The following FANK1 variants were observed in gnomAD, a reference collection of about 807,000 sequenced individuals.
FANK1 encodes fibronectin type III and ankyrin repeat domains 1, also known as fibronectin type 3 and ankyrin repeat domains protein 1.
In FANK1, 44 loss-of-function variants were observed where a neutral mutation model predicts 45.3. The ratio of observed to expected loss-of-function variants is 0.97; its 90% confidence interval spans 0.76 to 1.25. The LOEUF (loss-of-function observed/expected upper bound fraction) is 1.25, where lower values mean the gene tolerates loss of function less well. Ranked by LOEUF, FANK1 falls within the 50% of genes most tolerant of loss-of-function variation. The probability of loss-of-function intolerance (pLI) is 0.00; values close to 1 mark genes in which losing one functional copy is unlikely to be tolerated. For missense variants in FANK1, 391 were observed against 424.4 expected, an observed-to-expected ratio of 0.92 and a Z score of 0.69; for synonymous variants, 149 against 152.5, an observed-to-expected ratio of 0.98 and a Z score of 0.17.
intron 6 of FANK1, among the ~76,000 whole-genome samples, chr10:126,001,784 C>T (rs1156972445): frequency 2.0e-5 from 3 of 151,960 alleles, no homozygotes; most frequent in Non-Finnish European, 2.9e-5. Context: ...GAAGGAAGAG[C>T]GCCTGGTCTC....
chr10:125,996,464 C>A, intron 4 of FANK1, 86 bp from the exon 5 acceptor site: 2 of 1,179,622 alleles, frequency 1.7e-6, no homozygotes, highest in South Asian at 2.9e-5. Flanking sequence ...GTCATTTTAC[C>A]CACCTAAGCC....
intron 1 of FANK1, among the ~76,000 whole-genome samples, chr10:125,954,544 C>CT (rs1949453158): frequency 6.6e-6 from 1 of 151,978 alleles, no homozygotes; most frequent in East Asian, 1.9e-4. Flanking sequence ...TGAAGACCTA[C>CT]TTGAAATCTC....
intron 1 of FANK1, among the ~76,000 whole-genome samples, chr10:125,905,171 C>A (rs1439158636): frequency 1.3e-5 from 2 of 152,124 alleles, no homozygotes; most frequent in Admixed American, 6.5e-5. Context: ...GTTTCTGTAG[C>A]CTGTAGTCCC....
intron 1 of FANK1, among the ~76,000 whole-genome samples, chr10:125,918,041 C>T (rs1245653335): frequency 2.0e-5 from 3 of 151,244 alleles, no homozygotes; most frequent in African/African-American, 7.3e-5. Context: ...GATCATGCCA[C>T]TGTACTCCAA....
chr10:125,952,943 G>A (rs1288257011), intron 1 of FANK1, among the ~76,000 whole-genome samples: 1 of 151,868 alleles, frequency 6.6e-6, no homozygotes, highest in African/African-American at 2.4e-5. Context: ...ATCCCCATAG[G>A]GAGAAAGCTC....
intron 1 of FANK1, among the ~76,000 whole-genome samples, chr10:125,915,972 T>C (rs1224845374): frequency 6.6e-6 from 1 of 152,222 alleles, no homozygotes; most frequent in Non-Finnish European, 1.5e-5. Context: ...GCAGTTTGTC[T>C]GTTTCTTCAG....
intron 2 of FANK1, among the ~76,000 whole-genome samples, chr10:125,986,792 C>T (rs1026615564): frequency 3.9e-5 from 6 of 152,194 alleles, no homozygotes; most frequent in African/African-American, 1.4e-4. Flanking sequence ...CTGCCCCATG[C>T]CTGTTCCTCA....
intron 6 of FANK1, chr10:126,004,669 G>A: frequency 1.9e-6 from 1 of 517,430 alleles, no homozygotes; most frequent in Non-Finnish European, 3.5e-6. Context: ...CGAGGTTCAT[G>A]CATGTTTGTA....
intron 1 of FANK1, among the ~76,000 whole-genome samples, chr10:125,959,723 T>C (rs1949801692): frequency 6.6e-6 from 1 of 152,202 alleles, no homozygotes; most frequent in Admixed American, 6.5e-5. Context: ...TGTAAATTCA[T>C]GAGCAGAACA....
chr10:126,001,485 G>A lies in FANK1; in HGVS notation c.540-3399G>A, dbSNP rs532050667. On this transcript the variant is annotated intron_variant, in intron 6 of 10. Transcript: ENST00000368693. ...GCAGGGGACTCAGCAGCAGGCAAGCGGAGCGGGTCCTCCATTTCTGGTGGG... is the reference window on the plus strand; with the variant it reads ...GCAGGGGACTCAGCAGCAGGCAAGCAGAGCGGGTCCTCCATTTCTGGTGGG... 2.6e-5 allele frequency among the ~76,000 whole-genome samples: 4 copies of A among 152,308 alleles called. No individual in the cohort carries two copies. In the East Asian group the frequency reaches 7.7e-4, roughly 29 times the overall value.
At chr10:125,956,980 G>A (rs950070838) in intron 1 of FANK1, among the ~76,000 whole-genome samples, 7 of 152,060 alleles carry the variant, frequency 4.6e-5, no homozygotes, top group African/African-American at 1.4e-4. Context: ...TCAGCCTCCC[G>A]AATAGCTAGC....
At chr10:125,956,740 T>G (rs1949601973) in intron 1 of FANK1, among the ~76,000 whole-genome samples, 1 of 152,170 alleles carries the variant, frequency 6.6e-6, no homozygotes, top group African/African-American at 2.4e-5. Flanking sequence ...AGGGACTCGC[T>G]CAGGCCATTT....
intron 1 of FANK1, among the ~76,000 whole-genome samples, chr10:125,962,332 C>T (rs1383110729): frequency 6.6e-6 from 1 of 152,106 alleles, no homozygotes; most frequent in African/African-American, 2.4e-5. Context: ...TAAGTTTATT[C>T]TGCTTGGGGT....
At chr10:125,944,854 A>T (rs1220814229) in intron 1 of FANK1, among the ~76,000 whole-genome samples, 1 of 152,220 alleles carries the variant, frequency 6.6e-6, no homozygotes, top group Non-Finnish European at 1.5e-5. Context: ...GTCAGTAAAT[A>T]CGTGGGTAAA....
intron 1 of FANK1, among the ~76,000 whole-genome samples, chr10:125,956,114 T>C (rs1241514819): frequency 6.9e-6 from 1 of 144,360 alleles, no homozygotes; most frequent in African/African-American, 2.6e-5. Context: ...ACAGTTTGGC[T>C]GAAAGGCGTT....
At chr10:125,900,963 C>CTT (rs113742142) in intron 1 of FANK1, among the ~76,000 whole-genome samples, 1 of 148,954 alleles carries the variant, frequency 6.7e-6, no homozygotes, top group Non-Finnish European at 1.5e-5. Context: ...TTCTGCCCCC[C>CTT]TTTTTTTTTT....
chr10:126,009,516 C>A lies in FANK1; in HGVS notation c.*78C>A. On this transcript the variant is annotated 3_prime_UTR_variant, in exon 11 of 11. Transcript: ENST00000368693. Reference sequence around the variant, plus strand: ...GTTAAACTAGGGATGGGAAATTCTGCATCTTGGGGGGCTGTACATTTATTT... The same window carrying A: ...GTTAAACTAGGGATGGGAAATTCTGAATCTTGGGGGGCTGTACATTTATTT... 1 of 1,446,426 alleles carries A rather than the reference C, an allele frequency of 6.9e-7. No homozygotes were observed. The highest frequency in any genetic ancestry group is 9.6e-7 in the Non-Finnish European group (1 of 1,041,124). The allele number at this position is 1,446,426 out of a possible 1,614,324, so 89.6% of individuals were successfully genotyped here.
At chr10:125,954,185 C>G (rs981929057) in intron 1 of FANK1, among the ~76,000 whole-genome samples, 8 of 140,946 alleles carry the variant, frequency 5.7e-5, no homozygotes, top group African/African-American at 2.1e-4. Context: ...TGGGAAGAGC[C>G]ATTGCGACAG....
At chr10:125,980,073 C>A in intron 1 of FANK1, 88 bp from the exon 2 acceptor site, 3 of 1,377,248 alleles carry the variant, frequency 2.2e-6, no homozygotes, top group African/African-American at 1.5e-5. Context: ...AAAAATAGCT[C>A]GATCACCAAG....
Sources: allele counts gnomAD v4.1 joint callset (sites outside exome capture counted in the v4.1 genomes callset), GRCh38; gene constraint gnomAD v4.1.1; transcripts MANE v1.5; gene names NCBI Gene and HGNC (gene_info 2026-07-23, HGNC 2026-07-21).